Variants in LRMDA observed in about 807,000 individuals in gnomAD.
LRMDA encodes the protein leucine rich melanocyte differentiation associated, also known as leucine-rich melanocyte differentiation-associated protein.
Under a neutral mutation model 29.8 loss-of-function variants are expected in LRMDA, and 18 were observed. That is an observed-to-expected ratio of 0.60 (90% CI 0.42 to 0.90). The LOEUF is 0.90. LRMDA is among the 40% of genes least tolerant of loss of function. LRMDA has a pLI of 0.00. For missense variants in LRMDA, 273 were observed against 273.9 expected, an observed-to-expected ratio of 1.00 and a Z score of 0.02; for synonymous variants, 125 against 109.4, an observed-to-expected ratio of 1.14 and a Z score of -0.89.
At chr10:75,560,804 G>T (rs1410816883) in intron 2 of LRMDA, among the ~76,000 whole-genome samples, 4 of 152,042 alleles carry the variant, frequency 2.6e-5, no homozygotes, top group Non-Finnish European at 4.4e-5. Flanking sequence ...TGTGGTTTTT[G>T]TCTTTGATTC....
chr10:76,442,185 G>T (rs1005217730), intron 6 of LRMDA, among the ~76,000 whole-genome samples: 6 of 152,072 alleles, frequency 3.9e-5, no homozygotes, highest in African/African-American at 1.4e-4. Context: ...GCTAACCCTT[G>T]GTTTTACGCA....
intron 2 of LRMDA, among the ~76,000 whole-genome samples, chr10:76,005,272 T>A (rs923972938): frequency 6.6e-6 from 1 of 152,226 alleles, no homozygotes; most frequent in African/African-American, 2.4e-5. Flanking sequence ...TTTCAATACA[T>A]ATTAAAGCTA....
At chr10:76,044,104 G>T (rs1054083982) in intron 3 of LRMDA, among the ~76,000 whole-genome samples, 2 of 152,176 alleles carry the variant, frequency 1.3e-5, no homozygotes, top group African/African-American at 2.4e-5. Flanking sequence ...AGCTTGTCTG[G>T]CTGTCCTTCC....
intron 6 of LRMDA, among the ~76,000 whole-genome samples, chr10:76,451,894 T>G (rs1286160923): frequency 6.6e-6 from 1 of 152,012 alleles, no homozygotes; most frequent in African/African-American, 2.4e-5. Flanking sequence ...CGACCTCAGG[T>G]GATCTGCCCA....
chr10:76,043,268 T>G (rs1235801435), intron 3 of LRMDA, among the ~76,000 whole-genome samples: 1 of 152,234 alleles, frequency 6.6e-6, no homozygotes, highest in Non-Finnish European at 1.5e-5. Flanking sequence ...TGTTGGTCCC[T>G]GCATATTTGT....
rs577012795 is a variant in LRMDA, at chr10:76,201,417, G to C, written c.517-122984G>C. Among the ~76,000 whole-genome samples, 17 of 152,318 alleles carry C rather than the reference G, an allele frequency of 1.1e-4. No homozygotes were observed. The East Asian group carries it at 3.3e-3, about 29-fold the overall frequency. Reference sequence around the variant, plus strand: ...TGGCCCTATATTATTATTGAAGAAAGATACAGAGAGCTGAAATGATTTGTC... The same window carrying C: ...TGGCCCTATATTATTATTGAAGAAACATACAGAGAGCTGAAATGATTTGTC... On this transcript the variant is annotated intron_variant, in intron 5 of 6. Transcript: ENST00000611255.
intron 5 of LRMDA, among the ~76,000 whole-genome samples, chr10:76,288,419 A>T (rs1840299080): frequency 6.6e-6 from 1 of 152,250 alleles, no homozygotes; most frequent in Admixed American, 6.5e-5. Context: ...TGGATAAAGA[A>T]AATGTGGCAC....
At chr10:76,407,501 T>A (rs971009970) in intron 6 of LRMDA, among the ~76,000 whole-genome samples, 2 of 152,222 alleles carry the variant, frequency 1.3e-5, no homozygotes, top group Non-Finnish European at 2.9e-5. Context: ...AACTTCTAAG[T>A]TCTTCTCAAC....
chr10:76,078,171 G>C (rs1019963613), intron 5 of LRMDA, among the ~76,000 whole-genome samples: 1 of 151,286 alleles, frequency 6.6e-6, no homozygotes, highest in East Asian at 2.0e-4. Context: ...CCACGAGTCC[G>C]GCTAATTTTT....
intron 6 of LRMDA, among the ~76,000 whole-genome samples, chr10:76,367,585 C>T (rs1055507645): frequency 1.4e-4 from 22 of 151,754 alleles, no homozygotes; most frequent in Admixed American, 3.3e-4. Context: ...CCACCATGCC[C>T]GGCTAATTTT....
intron 2 of LRMDA, among the ~76,000 whole-genome samples, chr10:75,482,095 A>G (rs1460451023): frequency 6.6e-6 from 1 of 152,096 alleles, no homozygotes; most frequent in African/African-American, 2.4e-5. Flanking sequence ...GCCCTTTGCC[A>G]TGTGGCTTTG....
intron 6 of LRMDA, among the ~76,000 whole-genome samples, chr10:76,409,636 A>G (rs1413903198): frequency 1.3e-5 from 2 of 152,150 alleles, no homozygotes; most frequent in Admixed American, 6.5e-5. Flanking sequence ...TACTTTTTCA[A>G]TGAACATGTA....
intron 2 of LRMDA, among the ~76,000 whole-genome samples, chr10:75,751,208 G>C (rs554326838): frequency 5.2e-4 from 79 of 152,248 alleles, no homozygotes; most frequent in African/African-American, 1.8e-3. Flanking sequence ...CCAGGCACTC[G>C]GCAGGCTGAG....
chr10:76,503,625 A>T (rs375963913), intron 6 of LRMDA, among the ~76,000 whole-genome samples: 1 of 151,822 alleles, frequency 6.6e-6, no homozygotes, highest in South Asian at 2.1e-4. Context: ...CAAGTTGTTC[A>T]TAATAGTCTC....
At chr10:75,664,898 GA>G (rs1475595084) in intron 2 of LRMDA, among the ~76,000 whole-genome samples, 1 of 152,164 alleles carries the variant, frequency 6.6e-6, no homozygotes, top group African/African-American at 2.4e-5. Flanking sequence ...ACCACTAGAA[GA>G]GAAAGTAAGG....
intron 2 of LRMDA, among the ~76,000 whole-genome samples, chr10:75,770,551 A>G (rs1337800665): frequency 6.6e-6 from 1 of 152,258 alleles, no homozygotes; most frequent in Non-Finnish European, 1.5e-5. Context: ...AGAGGCCACC[A>G]TCACTAACAG....
intron 2 of LRMDA, among the ~76,000 whole-genome samples, chr10:75,766,413 A>C (rs1274461701): frequency 1.3e-5 from 2 of 151,798 alleles, no homozygotes; most frequent in Non-Finnish European, 2.9e-5. Context: ...GGAAGAATAA[A>C]CCCCCAGAAT....
At chr10:76,207,265 G>A (rs924589169) in intron 5 of LRMDA, among the ~76,000 whole-genome samples, 17 of 152,184 alleles carry the variant, frequency 1.1e-4, no homozygotes. Flanking sequence ...ATAATTACAA[G>A]TGACCGCAGT....
At chr10:76,119,115 T>C (rs549105486) in intron 5 of LRMDA, among the ~76,000 whole-genome samples, 1 of 152,288 alleles carries the variant, frequency 6.6e-6, no homozygotes, top group East Asian at 1.9e-4. Flanking sequence ...TGAACATCTG[T>C]TGGTATTCCT....
Sources: allele counts gnomAD v4.1 joint callset (sites outside exome capture counted in the v4.1 genomes callset), GRCh38; gene constraint gnomAD v4.1.1; transcripts MANE v1.5; gene names NCBI Gene and HGNC (gene_info 2026-07-23, HGNC 2026-07-21).